The following ACVR1B variants were observed in gnomAD, a reference collection of about 807,000 sequenced individuals.
The protein encoded by ACVR1B is activin receptor type-1B.
Under a neutral mutation model 55.6 loss-of-function variants are expected in ACVR1B, and 15 were observed. The ratio of observed to expected loss-of-function variants is 0.27; its 90% confidence interval spans 0.18 to 0.42. The LOEUF is 0.42. Ranked by LOEUF, ACVR1B falls within the 10% of genes least tolerant of loss-of-function variation. ACVR1B has a pLI of 1.00. For missense variants in ACVR1B, 359 were observed against 670.1 expected (o/e 0.54, Z 5.13); for synonymous variants, 247 against 254.6 (o/e 0.97, Z 0.28).
At chr12:51,952,336 G>A (rs1941315922) in intron 1 of ACVR1B, among the ~76,000 whole-genome samples, 1 of 152,126 alleles carries the variant, frequency 6.6e-6, no homozygotes, top group South Asian at 2.1e-4. Flanking sequence ...AGACTGTAGG[G>A]GAAGGGGTCT....
At chr12:51,986,405 C>T (rs1371446705) in intron 6 of ACVR1B, among the ~76,000 whole-genome samples, 1 of 152,080 alleles carries the variant, frequency 6.6e-6, no homozygotes, top group Admixed American at 6.6e-5. Context: ...ATTACAGGCG[C>T]CTGCCACCAT....
At position 51,951,801 on chromosome 12, in the gene ACVR1B, G is replaced by C. The variant is rs754892871; in HGVS notation, c.58G>C (p.Gly20Arg). The C allele has an allele frequency of 2.3e-6, 3 of 1,283,674 alleles. 1 individual carries two copies. Among genetic ancestry groups the C allele is most frequent in the South Asian group, 7.0e-5 (2 of 28,474 alleles). 79.5% of individuals were successfully genotyped at this position (1,283,674 alleles called of 1,614,324 possible). Residue 20 changes from glycine (G) to arginine (R), a missense_variant, in exon 1 of 9, where the codon GGC (glycine) becomes CGC (arginine). Coordinates refer to ENST00000257963, the MANE Select transcript of ACVR1B (RefSeq NM_004302.5). ...FFPLVVLLLA[G>R]SGGSGPRGVQ... is the part of the protein sequence containing the mutation. ...CCCCCTTGTTGTCCTCCTGCTCGCC[G>C]GCAGCGGCGGGTCCGGGCCCCGGGG...
At chr12:51,958,456 A>T (rs1390565846) in intron 1 of ACVR1B, among the ~76,000 whole-genome samples, 2 of 102,846 alleles carry the variant, frequency 1.9e-5, no homozygotes, top group East Asian at 7.3e-4. Context: ...CAGCCTGGCC[A>T]ACATGGTGAA....
intron 1 of ACVR1B, chr12:51,960,120 T>A (rs1941489033): frequency 6.6e-6 from 1 of 152,290 alleles, no homozygotes; most frequent in Non-Finnish European, 1.5e-5. Flanking sequence ...CCTTGCCCTT[T>A]GGAAGTTTAC....
intron 1 of ACVR1B, among the ~76,000 whole-genome samples, chr12:51,955,954 T>C (rs1400843931): frequency 2.6e-5 from 4 of 152,380 alleles, no homozygotes; most frequent in Non-Finnish European, 5.9e-5. Context: ...AGTTTTTCAC[T>C]CTCATGCAGG....
rs1349110398 is a variant in ACVR1B, at chr12:51,995,755, C to G, written c.*1645C>G. On this transcript the variant is annotated 3_prime_UTR_variant, in exon 9 of 9. Transcript: ENST00000257963. Reference sequence around the variant, plus strand: ...ACACTGGAAATGTTTGTCCTTGCACCTGAGCCTGTTCCCACTCAGCAGTGA... The same window carrying G: ...ACACTGGAAATGTTTGTCCTTGCACGTGAGCCTGTTCCCACTCAGCAGTGA... 1 of 152,564 alleles carries G rather than the reference C, an allele frequency of 6.6e-6. No homozygotes were observed. The highest frequency in any genetic ancestry group is 6.5e-5 in the Admixed American group (1 of 15,286). The allele number at this position is 152,564 out of a possible 1,614,324, so 9.5% of individuals were successfully genotyped here.
chr12:51,968,653 G>A (rs1374664642), intron 1 of ACVR1B, among the ~76,000 whole-genome samples: 1 of 152,200 alleles, frequency 6.6e-6, no homozygotes, highest in Non-Finnish European at 1.5e-5. Flanking sequence ...AGGCTAGGCT[G>A]CTAGAAGGAT....
In ACVR1B at chr12:51,993,902, G is replaced by T. The variant is rs890539176; in HGVS notation, c.1393-83G>T. 5 of 1,558,436 alleles carry T rather than the reference G, an allele frequency of 3.2e-6. No homozygotes were observed. The Admixed American group carries it at 8.8e-5, about 27-fold the overall frequency. ...GCCAGACTGCACTGAGCGGGAGGTG[G>T]CAGGGAAATGAGTGAGAGCCTAGGG... On this transcript the variant is annotated intron_variant, in intron 8 of 8. Transcript: ENST00000257963.
At chr12:51,989,855 T>G (rs1942154762) in intron 7 of ACVR1B, among the ~76,000 whole-genome samples, 1 of 151,820 alleles carries the variant, frequency 6.6e-6, no homozygotes, top group Non-Finnish European at 1.5e-5. Flanking sequence ...TATGGTAGCG[T>G]ACGCCTGTAG....
At position 51,951,718 on chromosome 12, in the gene ACVR1B, C is replaced by T. The variant is rs780105321; in HGVS notation, c.-26C>T. The stretch of plus-strand genomic sequence containing the variant: ...CGCGCTGGGCGCTGCTGGGCTGCGG[C>T]GGCGGCGGCGGCGGCGGTGGTTACT... On this transcript the variant is annotated 5_prime_UTR_variant, in exon 1 of 9. Transcript: ENST00000257963. 6 of 950,118 alleles carry T rather than the reference C, an allele frequency of 6.3e-6. No individual in the cohort carries two copies. The highest frequency in any genetic ancestry group is 4.0e-4 in the Middle Eastern group (1 of 2,500). The allele number at this position is 950,118 out of a possible 1,614,324, so 58.9% of individuals were successfully genotyped here. A position where few individuals can be genotyped will look rare whatever the true frequency, so the allele number is the denominator to read the frequency against.
At chr12:51,976,294 C>T (rs763981401) in intron 2 of ACVR1B, 33 bp from the exon 3 acceptor site, 2 of 1,612,056 alleles carry the variant, frequency 1.2e-6, no homozygotes, top group Admixed American at 1.7e-5. Flanking sequence ...TTTTACTTCT[C>T]ATTCTTTCCC....
intron 7 of ACVR1B, 172 bp downstream of exon 7, chr12:51,987,114 G>C: frequency 1.2e-6 from 1 of 867,412 alleles, no homozygotes; most frequent in Non-Finnish European, 1.9e-6. Context: ...CTTAGGGTGC[G>C]TTTATTCTTC....
At chr12:51,988,092 TG>T (rs1162826520) in intron 7 of ACVR1B, among the ~76,000 whole-genome samples, 1 of 152,254 alleles carries the variant, frequency 6.6e-6, no homozygotes, top group African/African-American at 2.4e-5. Context: ...ATGACATGTT[TG>T]GTAAAATCCA....
At chr12:51,988,454 G>T (rs769770267) in intron 7 of ACVR1B, among the ~76,000 whole-genome samples, 1 of 152,200 alleles carries the variant, frequency 6.6e-6, no homozygotes, top group Non-Finnish European at 1.5e-5. Flanking sequence ...GCGACAGAGC[G>T]AGACTCCATC....
In ACVR1B at chr12:51,976,705, G is replaced by T. The variant is rs971915736; in HGVS notation, c.580+130G>T. The T allele has an allele frequency of 5.9e-6, 7 of 1,195,810 alleles. No individual in the cohort carries two copies. The Admixed American group carries it at 6.7e-5, about 12-fold the overall frequency. The allele number at this position is 1,195,810 out of a possible 1,614,324, so 74.1% of individuals were successfully genotyped here. Reference sequence around the variant, plus strand: ...CAGCATTGAGTCATTTGGTTTCCTAGTTCCCCTTCTTTTGGAGTCTGACGT... The same window carrying T: ...CAGCATTGAGTCATTTGGTTTCCTATTTCCCCTTCTTTTGGAGTCTGACGT... On this transcript the variant is annotated intron_variant, in intron 3 of 8. Transcript: ENST00000257963.
At chr12:51,952,693 A>C (rs143893884) in intron 1 of ACVR1B, among the ~76,000 whole-genome samples, 1 of 152,044 alleles carries the variant, frequency 6.6e-6, no homozygotes, top group Non-Finnish European at 1.5e-5. Flanking sequence ...GATGCCTTTC[A>C]GGTGAAATCC....
intron 1 of ACVR1B, among the ~76,000 whole-genome samples, chr12:51,955,775 C>G (rs1351191464): frequency 1.3e-5 from 2 of 152,160 alleles, no homozygotes; most frequent in Admixed American, 1.3e-4. Flanking sequence ...TCCTAGAGTC[C>G]TTTCTCACCA....
At chr12:51,984,300 G>A in intron 5 of ACVR1B, 134 bp downstream of exon 5, 1 of 1,094,946 alleles carries the variant, frequency 9.1e-7, no homozygotes, top group South Asian at 1.7e-5. Context: ...TAATTTAAAG[G>A]AAAGGAGGTT....
chr12:51,990,353 C>T (rs1942168253), intron 7 of ACVR1B, among the ~76,000 whole-genome samples: 1 of 112,812 alleles, frequency 8.9e-6, no homozygotes, highest in Non-Finnish European at 1.6e-5. Context: ...GTCTCACTGT[C>T]ACCCAGGCTG....
Sources: gnomAD v4.1 joint callset for allele counts (sites outside exome capture counted in the v4.1 genomes callset) on GRCh38, gnomAD v4.1.1 for gene constraint, MANE v1.5 for transcripts, NCBI Gene and HGNC (gene_info 2026-07-23, HGNC 2026-07-21) for gene names.